The following VPS13B variants were observed in gnomAD, a reference collection of about 807,000 sequenced individuals.
VPS13B encodes the protein vacuolar protein sorting 13 homolog B, also known as intermembrane lipid transfer protein VPS13B.
In VPS13B, 285 loss-of-function variants were observed where a neutral mutation model predicts 426.4. That is an observed-to-expected ratio of 0.67 (90% CI 0.61 to 0.74). The LOEUF is 0.74. Among genes scored for constraint, VPS13B ranks in the 30% least tolerant of loss-of-function variants. VPS13B has a pLI of 0.00. For missense variants in VPS13B, 4,537 were observed against 4,782.6 expected (o/e 0.95, Z 1.51); for synonymous variants, 1,676 against 1,676.4 (o/e 1.00, Z 0.01).
chr8:99,416,064 C>G (rs982579327), intron 21 of VPS13B, among the ~76,000 whole-genome samples: 2 of 152,182 alleles, frequency 1.3e-5, no homozygotes, highest in Non-Finnish European at 2.9e-5. Context: ...GGAGTTTTAT[C>G]TATAAGCCCC....
At chr8:99,206,555 A>G (rs1814736393) in intron 17 of VPS13B, among the ~76,000 whole-genome samples, 1 of 152,164 alleles carries the variant, frequency 6.6e-6, no homozygotes, top group Admixed American at 6.5e-5. Context: ...AGCAACCTTT[A>G]CTTACATAAC....
At chr8:99,776,634 G>C in intron 40 of VPS13B, 141 bp from the exon 41 acceptor site, 1 of 844,360 alleles carries the variant, frequency 1.2e-6, no homozygotes, top group Non-Finnish European at 1.9e-6. Flanking sequence ...AATTTACATA[G>C]GAAAATACAG....
At chr8:99,161,836 G>A (rs1167693720) in intron 15 of VPS13B, among the ~76,000 whole-genome samples, 3 of 150,578 alleles carry the variant, frequency 2.0e-5, no homozygotes, top group Non-Finnish European at 3.0e-5. Context: ...AGGTTCAAGC[G>A]ATTCTCCTGC....
intron 19 of VPS13B, among the ~76,000 whole-genome samples, chr8:99,361,578 C>T (rs1340257907): frequency 6.6e-6 from 1 of 152,118 alleles, no homozygotes; most frequent in Non-Finnish European, 1.5e-5. Context: ...TATTTTAACC[C>T]TACTAGGTTT....
chr8:99,690,269 C>A (rs1052379295), intron 35 of VPS13B, among the ~76,000 whole-genome samples: 1 of 152,116 alleles, frequency 6.6e-6, no homozygotes, highest in Non-Finnish European at 1.5e-5. Flanking sequence ...TGAAGTTGAA[C>A]CCCTACCTCA....
chr8:99,058,380 A>G (rs1843998282), intron 3 of VPS13B, among the ~76,000 whole-genome samples: 1 of 151,444 alleles, frequency 6.6e-6, no homozygotes, highest in Admixed American at 6.6e-5. Flanking sequence ...AATTATCCAT[A>G]ATATAATTAT....
chr8:99,076,520 G>A (rs899574893), intron 3 of VPS13B, among the ~76,000 whole-genome samples: 1 of 151,024 alleles, frequency 6.6e-6, no homozygotes, highest in African/African-American at 2.4e-5. Flanking sequence ...TATCTGCTTT[G>A]TATATCTGAG....
chr8:99,417,479 C>T (rs1171455320), intron 21 of VPS13B, among the ~76,000 whole-genome samples: 1 of 152,174 alleles, frequency 6.6e-6, no homozygotes, highest in Non-Finnish European at 1.5e-5. Context: ...AAAATTCTTA[C>T]TGCTTCTTAA....
At chr8:99,563,140 G>T (rs532342693) in intron 31 of VPS13B, among the ~76,000 whole-genome samples, 1 of 152,032 alleles carries the variant, frequency 6.6e-6, no homozygotes, top group Non-Finnish European at 1.5e-5. Context: ...CTCCATCCTC[G>T]TCAACAGAGC....
At chr8:99,707,847 TCTC>T (rs1832551426) in intron 36 of VPS13B, among the ~76,000 whole-genome samples, 1 of 152,098 alleles carries the variant, frequency 6.6e-6, no homozygotes, top group African/African-American at 2.4e-5. Flanking sequence ...AGAACACACA[TCTC>T]CTGGCTGCTG....
intron 19 of VPS13B, among the ~76,000 whole-genome samples, chr8:99,317,394 C>T (rs1809732294): frequency 6.6e-6 from 1 of 152,248 alleles, no homozygotes; most frequent in African/African-American, 2.4e-5. Flanking sequence ...AAAATCTTCT[C>T]TTCTAGCTGT....
chr8:99,741,451 A>G (rs907431310), intron 39 of VPS13B, among the ~76,000 whole-genome samples: 2 of 152,208 alleles, frequency 1.3e-5, no homozygotes, highest in African/African-American at 4.8e-5. Context: ...CAGGAATTGA[A>G]CTCAGCTGTG....
In VPS13B at chr8:99,393,471, G is replaced by T. The variant is rs143085114; in HGVS notation, c.3082+1767G>T. On this transcript the variant is annotated intron_variant, in intron 21 of 61. Coordinates refer to ENST00000357162, the MANE Select transcript of VPS13B (RefSeq NM_152564.5). ...TTTTTAAATTTTAAATTATTAATCTGAACTATGGTTCTTTTCTTTAGAATT... is the reference window on the plus strand; with the variant it reads ...TTTTTAAATTTTAAATTATTAATCTTAACTATGGTTCTTTTCTTTAGAATT... Among the ~76,000 whole-genome samples, 964 of 152,014 alleles carry T rather than the reference G, an allele frequency of 6.3e-3. 8 individuals are homozygous for T. Among genetic ancestry groups the T allele is most frequent in the African/African-American group, 0.022 (905 of 41,502 alleles).
chr8:99,326,003 T>G (rs1025802290), intron 19 of VPS13B, among the ~76,000 whole-genome samples: 1 of 152,186 alleles, frequency 6.6e-6, no homozygotes, highest in Non-Finnish European at 1.5e-5. Context: ...AAGCTGTACC[T>G]TAATGATTGG....
chr8:99,110,242 A>G (rs1271581292), intron 5 of VPS13B, among the ~76,000 whole-genome samples: 3 of 152,138 alleles, frequency 2.0e-5, no homozygotes. Context: ...AACACATTTT[A>G]TTGTTTTTTA....
At chr8:99,811,312 A>C (rs1813686741) in intron 44 of VPS13B, among the ~76,000 whole-genome samples, 1 of 152,190 alleles carries the variant, frequency 6.6e-6, no homozygotes, top group Admixed American at 6.5e-5. Flanking sequence ...AAAACTTGTG[A>C]GAACTCCACA....
At chr8:99,171,276 C>G (rs1812316433) in intron 16 of VPS13B, among the ~76,000 whole-genome samples, 1 of 151,798 alleles carries the variant, frequency 6.6e-6, no homozygotes, top group African/African-American at 2.4e-5. Context: ...TGGTATGTTG[C>G]ATTTGAGTCA....
rs778087844 is a variant in VPS13B at position 99,013,813 on chromosome 8, A to G, written c.25A>G (p.Ile9Val). The G allele has an allele frequency of 2.5e-6, 4 of 1,614,204 alleles. No homozygotes were observed. The highest frequency in any genetic ancestry group is 2.5e-6 in the Non-Finnish European group (3 of 1,180,038). Reference protein sequence around the residue: MLESYVTPILMSYVNRYIK... With the variant: MLESYVTPVLMSYVNRYIK... Reference sequence around the variant, plus strand: ...GATGCTGGAGTCATATGTAACTCCAATTTTAATGAGCTATGTGAATCGCTA... The same window carrying G: ...GATGCTGGAGTCATATGTAACTCCAGTTTTAATGAGCTATGTGAATCGCTA... Residue 9 changes from isoleucine (I) to valine (V), a missense_variant, in exon 2 of 62, where the codon ATT (isoleucine) becomes GTT (valine). By Grantham distance (29) the Ile-to-Val change is conservative. Around this residue, in one of 2 missense-constraint regions of VPS13B, gnomAD observed 226 missense variants for 308.3 expected, o/e 0.73. Coordinates refer to ENST00000357162, the MANE Select transcript of VPS13B (RefSeq NM_152564.5).
At chr8:99,089,930 A>C (rs1267601275) in intron 3 of VPS13B, among the ~76,000 whole-genome samples, 1 of 152,176 alleles carries the variant, frequency 6.6e-6, no homozygotes, top group Non-Finnish European at 1.5e-5. Flanking sequence ...TACTAGAGTC[A>C]GGGTAGAATT....
Sources: allele counts gnomAD v4.1 joint callset (sites outside exome capture counted in the v4.1 genomes callset), GRCh38; gene constraint gnomAD v4.1.1; regional missense constraint gnomAD v4.1.1; transcripts MANE v1.5; gene names NCBI Gene and HGNC (gene_info 2026-07-23, HGNC 2026-07-21).